RASAL2: variants seen among roughly 807,000 people sequenced by gnomAD.
The protein encoded by RASAL2 is ras GTPase-activating protein nGAP.
RASAL2 carries 58 observed loss-of-function variants against 128.9 expected under a neutral mutation model. The ratio of observed to expected loss-of-function variants is 0.45; its 90% CI spans 0.36 to 0.56. RASAL2 has a LOEUF of 0.56. Ranked by LOEUF, RASAL2 falls within the 20% of genes least tolerant of loss-of-function variation. RASAL2 has a pLI of 0.00. For synonymous variants in RASAL2, 561 were observed against 580.8 expected (o/e 0.97, Z 0.49); for missense variants, 1,360 against 1,601.6 (o/e 0.85, Z 2.57).
chr1:178,354,404 A>G (rs1670685285), intron 3 of RASAL2, among the ~76,000 whole-genome samples: 1 of 152,236 alleles, frequency 6.6e-6, no homozygotes, highest in Non-Finnish European at 1.5e-5. Context: ...TGTAATGGTG[A>G]AAAGCTTTCC....
chr1:178,395,771 G>GTATATA (rs57664965), intron 4 of RASAL2, among the ~76,000 whole-genome samples: 3,046 of 132,946 alleles, frequency 0.023, 113 homozygotes, highest in African/African-American at 0.04. Context: ...TTAATGAACA[G>GTATATA]TATATATATA....
chr1:178,208,567 C>T (rs1263651038), intron 1 of RASAL2, among the ~76,000 whole-genome samples: 1 of 152,216 alleles, frequency 6.6e-6, no homozygotes, highest in African/African-American at 2.4e-5. Context: ...CAATAGAATA[C>T]ATGCACTGCT....
At chr1:178,224,543 G>A (rs1298396385) in intron 1 of RASAL2, among the ~76,000 whole-genome samples, 1 of 152,054 alleles carries the variant, frequency 6.6e-6, no homozygotes, top group East Asian at 1.9e-4. Context: ...TATAAACAAG[G>A]ACTTTGTACT....
intron 1 of RASAL2, among the ~76,000 whole-genome samples, chr1:178,231,139 G>A (rs1367879694): frequency 6.6e-6 from 1 of 152,088 alleles, no homozygotes; most frequent in Non-Finnish European, 1.5e-5. Flanking sequence ...CCCTGGTGCT[G>A]GCTGCAACCA....
chr1:178,155,409 G>GT (rs34963730), intron 1 of RASAL2, among the ~76,000 whole-genome samples: 12,768 of 128,524 alleles, frequency 0.099, 584 homozygotes, highest in Middle Eastern at 0.16. Context: ...TTTTTAGAAA[G>GT]TTTTTTTTTT....
At chr1:178,459,297 T>C (rs1358993066) in intron 14 of RASAL2, among the ~76,000 whole-genome samples, 1 of 151,986 alleles carries the variant, frequency 6.6e-6, no homozygotes, top group African/African-American at 2.4e-5. Flanking sequence ...TCAATACATA[T>C]TTTTCCCTTT....
intron 12 of RASAL2, among the ~76,000 whole-genome samples, chr1:178,455,530 A>G (rs1677710110): frequency 6.6e-6 from 1 of 152,238 alleles, no homozygotes; most frequent in South Asian, 2.1e-4. Context: ...TGCTGAGGAA[A>G]CATATGTGGT....
In RASAL2 at chr1:178,311,720, C is replaced by T. The variant is rs1668260853; in HGVS notation, c.457+11602C>T. Among the ~76,000 whole-genome samples the T allele has an allele frequency of 2.6e-5, 4 of 152,064 alleles. 1 individual carries two copies. Among genetic ancestry groups the T allele is most frequent in the Admixed American group, 1.3e-4 (2 of 15,256 alleles). On this transcript the variant is annotated intron_variant, in intron 3 of 17. Coordinates refer to ENST00000367649, the MANE Select transcript of RASAL2 (RefSeq NM_170692.4). ...CAGGCAGGAGATTAGTAGAATACCC[C>T]TTGGTGTATTTAGCCCAAGAAGAAA...
chr1:178,441,899 A>G (rs1457589908), intron 7 of RASAL2, among the ~76,000 whole-genome samples: 4 of 152,096 alleles, frequency 2.6e-5, no homozygotes, highest in Admixed American at 2.6e-4. Flanking sequence ...TGGTGCTGTT[A>G]TCTGCTCAGC....
intron 3 of RASAL2, chr1:178,389,206 T>G (rs192630784): frequency 2.2e-6 from 2 of 919,988 alleles, no homozygotes; most frequent in East Asian, 1.2e-4. Context: ...GGATGTGGCT[T>G]TTTTTTCCTT....
rs549890562 is a variant in RASAL2 at position 178,408,131 on chromosome 1, AT to A, written c.565-12379del. 1.1e-4 allele frequency among the ~76,000 whole-genome samples: 17 copies of A among 152,366 alleles called. No individual in the cohort carries two copies. The East Asian group carries it at 2.5e-3, about 22-fold the overall frequency. ...ATGACAATGTACCTTTTTTAAAAAA[AT>A]AATGAGCTTTTTACTATTTTTAAGA... On this transcript the variant is annotated intron_variant, in intron 4 of 17. Coordinates refer to ENST00000367649, the MANE Select transcript of RASAL2 (RefSeq NM_170692.4).
chr1:178,363,031 C>T (rs888717085), intron 3 of RASAL2, among the ~76,000 whole-genome samples: 5 of 151,958 alleles, frequency 3.3e-5, no homozygotes, highest in African/African-American at 9.7e-5. Flanking sequence ...TCAGAAGAGG[C>T]GGGATTGCAG....
At chr1:178,353,738 C>T (rs1001463550) in intron 3 of RASAL2, among the ~76,000 whole-genome samples, 9 of 152,322 alleles carry the variant, frequency 5.9e-5, no homozygotes, top group Middle Eastern at 3.4e-3. Flanking sequence ...CTATACGTCA[C>T]CTTGGCCATG....
chr1:178,420,298 G>C (rs1293554162), intron 4 of RASAL2, among the ~76,000 whole-genome samples: 1 of 152,176 alleles, frequency 6.6e-6, no homozygotes, highest in Admixed American at 6.5e-5. Context: ...CTACTAGAAA[G>C]TTTAGTTATC....
intron 3 of RASAL2, among the ~76,000 whole-genome samples, chr1:178,315,564 G>C (rs1668469316): frequency 7.2e-6 from 1 of 139,292 alleles, no homozygotes; most frequent in East Asian, 2.1e-4. Flanking sequence ...TTTTTCATGT[G>C]TTTTTTGGCT....
chr1:178,144,363 C>A (rs1660644693), intron 1 of RASAL2, among the ~76,000 whole-genome samples: 1 of 152,178 alleles, frequency 6.6e-6, no homozygotes, highest in South Asian at 2.1e-4. Flanking sequence ...ATTACAATTT[C>A]CCCTTTTTAA....
chr1:178,446,198 A>G (rs1296803941), intron 9 of RASAL2, among the ~76,000 whole-genome samples: 1 of 152,178 alleles, frequency 6.6e-6, no homozygotes, highest in East Asian at 1.9e-4. Context: ...TTTGGTCATG[A>G]AATTGAGGCA....
At chr1:178,193,060 C>T (rs1012737690) in intron 1 of RASAL2, among the ~76,000 whole-genome samples, 5 of 151,940 alleles carry the variant, frequency 3.3e-5, no homozygotes, top group South Asian at 2.1e-4. Context: ...TTTTACATAG[C>T]GAAACAGGAA....
intron 12 of RASAL2, 78 bp downstream of exon 12, chr1:178,454,726 C>G: frequency 8.0e-7 from 1 of 1,248,910 alleles, no homozygotes; most frequent in Non-Finnish European, 1.1e-6. Context: ...ATAGCACTCA[C>G]TCTTTCTGCT....
Sources: gnomAD v4.1 joint callset for allele counts (sites outside exome capture counted in the v4.1 genomes callset) on GRCh38, gnomAD v4.1.1 for gene constraint, MANE v1.5 for transcripts, NCBI Gene and HGNC (gene_info 2026-07-23, HGNC 2026-07-21) for gene names.